SPAG17: variants seen among roughly 807,000 people sequenced by gnomAD.
SPAG17 encodes the protein sperm associated antigen 17.
A neutral mutation model predicts 273.6 loss-of-function variants in SPAG17; 169 were observed. The ratio of observed to expected loss-of-function variants is 0.62; its 90% CI spans 0.55 to 0.70. The LOEUF (loss-of-function observed/expected upper bound fraction) is 0.70. Among genes scored for constraint, SPAG17 ranks in the 30% least tolerant of loss-of-function variants. SPAG17 has a pLI of 0.00. For missense variants in SPAG17, 2,557 were observed against 2,627.8 expected (o/e 0.97, Z 0.59); for synonymous variants, 825 against 873.2 (o/e 0.94, Z 0.97).
chr1:118,093,250 CT>C lies in SPAG17; in HGVS notation c.1078del (p.Arg360GlyfsTer25). 6.2e-7 allele frequency: 1 copy of C among 1,613,654 alleles called. No homozygotes were observed. Among genetic ancestry groups the C allele is most frequent in the Non-Finnish European group, 8.5e-7 (1 of 1,179,776 alleles). On this transcript the variant is annotated frameshift_variant, in exon 8 of 49. Transcript: ENST00000336338. LOFTEE classifies it high-confidence loss of function. ...CLMYDILDWKRQHQHYLESMQ... is the reference protein window; with the variant it reads ...CLMYDILDWKXQHQHYLESMQ... Reference sequence around the variant, plus strand: ...GCTTTCCAAATAGTGCTGGTGCTGCCTTTTCCAATCCAGGATGTCATACATC... The same window carrying C: ...GCTTTCCAAATAGTGCTGGTGCTGCCTTTCCAATCCAGGATGTCATACATC...
intron 1 of SPAG17, among the ~76,000 whole-genome samples, chr1:118,183,444 A>T (rs983263490): frequency 1.3e-5 from 2 of 152,094 alleles, no homozygotes; most frequent in Admixed American, 1.3e-4. Context: ...ATGAGAGAGG[A>T]GGTGGAGGGT....
intron 29 of SPAG17, among the ~76,000 whole-genome samples, 196 bp from the exon 30 acceptor site, chr1:118,012,568 G>A (rs1261953380): frequency 6.6e-6 from 1 of 152,218 alleles, no homozygotes; most frequent in East Asian, 1.9e-4. Context: ...ATGAGGAAAT[G>A]TAGGCTTAGA....
intron 42 of SPAG17, among the ~76,000 whole-genome samples, chr1:117,983,336 G>A (rs1206247849): frequency 6.6e-6 from 1 of 152,142 alleles, no homozygotes; most frequent in African/African-American, 2.4e-5. Context: ...GATTTGGGTG[G>A]GGACAAAACC....
At chr1:118,104,697 C>A (rs1340291756) in intron 4 of SPAG17, among the ~76,000 whole-genome samples, 2 of 152,088 alleles carry the variant, frequency 1.3e-5, no homozygotes, top group African/African-American at 4.8e-5. Context: ...AGCTAGAGAA[C>A]TAAGAAACCA....
intron 28 of SPAG17, among the ~76,000 whole-genome samples, 164 bp from the exon 29 acceptor site, chr1:118,016,346 T>A (rs1183193843): frequency 6.6e-6 from 1 of 152,170 alleles, no homozygotes; most frequent in African/African-American, 2.4e-5. Context: ...GGGAAAAGTA[T>A]CAGGTTATGA....
chr1:118,001,067 C>G (rs546327334), intron 32 of SPAG17, among the ~76,000 whole-genome samples: 1 of 152,252 alleles, frequency 6.6e-6, no homozygotes, highest in African/African-American at 2.4e-5. Flanking sequence ...TTTTCCGCAT[C>G]TATTGAGATA....
intron 41 of SPAG17, 35 bp downstream of exon 41, chr1:117,984,648 C>T: frequency 1.5e-6 from 2 of 1,352,554 alleles, no homozygotes; most frequent in Non-Finnish European, 2.1e-6. Context: ...TTTATAAAAA[C>T]TTTTATTAGA....
chr1:118,146,275 G>T (rs1658985197), intron 3 of SPAG17, among the ~76,000 whole-genome samples: 1 of 152,204 alleles, frequency 6.6e-6, no homozygotes, highest in African/African-American at 2.4e-5. Flanking sequence ...GAACATTTCA[G>T]TTGGTTTTGA....
At chr1:118,058,461 C>T (rs1357024266) in intron 18 of SPAG17, among the ~76,000 whole-genome samples, 2 of 152,216 alleles carry the variant, frequency 1.3e-5, no homozygotes, top group African/African-American at 4.8e-5. Context: ...CCTGCCTTGG[C>T]TTCCCAAAAT....
At chr1:117,969,191 G>A (rs1654263072) in intron 46 of SPAG17, among the ~76,000 whole-genome samples, 1 of 152,026 alleles carries the variant, frequency 6.6e-6, no homozygotes, top group Non-Finnish European at 1.5e-5. Context: ...ATGCCATTTT[G>A]GAGGATGTAT....
chr1:118,074,907 A>G (rs1429738641), intron 15 of SPAG17, among the ~76,000 whole-genome samples: 1 of 152,200 alleles, frequency 6.6e-6, no homozygotes, highest in African/African-American at 2.4e-5. Flanking sequence ...TTTATCTTTA[A>G]AAGTTGTAAT....
intron 26 of SPAG17, among the ~76,000 whole-genome samples, chr1:118,026,177 AGTTAAC>A (rs1647726752): frequency 1.3e-5 from 2 of 152,120 alleles, no homozygotes; most frequent in African/African-American, 4.8e-5. Context: ...CATCTTTCAA[AGTTAAC>A]GTTAAAATAA....
chr1:118,096,045 G>C (rs1005612143), intron 7 of SPAG17, among the ~76,000 whole-genome samples: 4 of 152,164 alleles, frequency 2.6e-5, no homozygotes, highest in African/African-American at 9.6e-5. Context: ...AGAGAACAAG[G>C]CTGAGATTCA....
At chr1:117,977,985 CAG>C (rs1557858733) in intron 43 of SPAG17, among the ~76,000 whole-genome samples, 1 of 152,218 alleles carries the variant, frequency 6.6e-6, no homozygotes. Flanking sequence ...TTCCACCTCA[CAG>C]AGTCTCATGG....
At chr1:118,153,674 C>T (rs1018208035) in intron 1 of SPAG17, among the ~76,000 whole-genome samples, 1 of 151,962 alleles carries the variant, frequency 6.6e-6, no homozygotes, top group Non-Finnish European at 1.5e-5. Flanking sequence ...TGATGAAACC[C>T]CATCTCTACT....
In SPAG17 at chr1:118,066,754, A is replaced by G. The variant is rs1260289146; in HGVS notation, c.2531T>C (p.Val844Ala). 1 of 1,608,148 alleles carries G rather than the reference A, an allele frequency of 6.2e-7. No individual in the cohort carries two copies. Among genetic ancestry groups the G allele is most frequent in the Admixed American group, 1.7e-5 (1 of 58,600 alleles). Residue 844 changes from valine to alanine, a missense_variant, in exon 18 of 49, where the codon GTT becomes GCT. Val to Ala is a moderately conservative substitution (Grantham distance 64). Transcript: ENST00000336338. ...EYWNIALHSN[V>A]GFRNYLELVA... is the part of the protein sequence containing the mutation. The stretch of plus-strand genomic sequence containing the variant: ...TTTCCAAATTTGTTACCTGAATCCA[A>G]CATTGGAGTGGAGAGCAATGTTCCA...
At chr1:118,041,707 G>T in intron 21 of SPAG17, 96 bp downstream of exon 21, 1 of 1,471,162 alleles carries the variant, frequency 6.8e-7, no homozygotes, top group Non-Finnish European at 9.2e-7. Flanking sequence ...GCCTACTGTG[G>T]GGTAGTGAAA....
chr1:118,040,720 C>T lies in SPAG17; in HGVS notation c.3166+10G>A, dbSNP rs191216723. ...TTTCCAATCATTAACCAGTTGCTTT[C>T]AAAATGTACCTTTTTCAAACATTGT... On this transcript the variant is annotated intron_variant, in intron 22 of 48. Transcript: ENST00000336338. The T allele has an allele frequency of 1.9e-6, 3 of 1,547,992 alleles. No individual in the cohort carries two copies. Among genetic ancestry groups the T allele is most frequent in the African/African-American group, 2.7e-5 (2 of 73,898 alleles).
Position 117,994,021 on chromosome 1 carries a change from G to A in SPAG17, c.5178+385C>T, listed in dbSNP as rs147541739. On this transcript the variant is annotated intron_variant, in intron 35 of 48. Transcript: ENST00000336338. Reference sequence around the variant, plus strand: ...ATGAAGAAAAAAAGGGAGAGTAAAAGGCACAAAATTGTGTGTTAAAATTAA... The same window carrying A: ...ATGAAGAAAAAAAGGGAGAGTAAAAAGCACAAAATTGTGTGTTAAAATTAA... 4.2e-3 allele frequency among the ~76,000 whole-genome samples: 645 copies of A among 152,190 alleles called. 4 individuals carry two copies. Among genetic ancestry groups the A allele is most frequent in the African/African-American group, 0.015 (613 of 41,540 alleles).
Sources: allele counts gnomAD v4.1 joint callset (sites outside exome capture counted in the v4.1 genomes callset), GRCh38; gene constraint gnomAD v4.1.1; transcripts MANE v1.5; gene names NCBI Gene and HGNC (gene_info 2026-07-23, HGNC 2026-07-21).